Variants in WSB2 observed in about 807,000 individuals in gnomAD.
WSB2 encodes the protein WD repeat and SOCS box containing 2.
Under a neutral mutation model 48.8 loss-of-function variants are expected in WSB2, and 12 were observed. The observed-to-expected ratio is 0.25, with a 90% CI of 0.16 to 0.40. The LOEUF (loss-of-function observed/expected upper bound fraction) is 0.40, where lower values mean the gene tolerates loss of function less well. Among genes scored for constraint, WSB2 ranks in the 10% least tolerant of loss-of-function variants. WSB2 has a pLI of 1.00. For synonymous variants in WSB2, 191 were observed against 203.1 expected (o/e 0.94, Z 0.51); for missense variants, 317 against 506.2 (o/e 0.63, Z 3.59).
chr12:118,060,904 G>A lies in WSB2; in HGVS notation c.13+132C>T, dbSNP rs1216632280. ...CCGCCGGCCCCGCGCGGACCTCCCAGGCCGGACGCCCCCGCCGCGTCCAGC... is the reference window on the plus strand; with the variant it reads ...CCGCCGGCCCCGCGCGGACCTCCCAAGCCGGACGCCCCCGCCGCGTCCAGC... On this transcript the variant is annotated intron_variant, in intron 1 of 8. Transcript: ENST00000315436. This position sits in a 1 kb window ranked among gnomAD's most constrained non-coding sequence, Gnocchi z 4.1. 9 of 339,874 alleles carry A rather than the reference G, an allele frequency of 2.6e-5. No individual in the cohort carries two copies. The highest frequency in any genetic ancestry group is 3.7e-5 in the Non-Finnish European group (9 of 240,074). The allele number at this position is 339,874 out of a possible 1,614,324, so 21.1% of individuals were successfully genotyped here.
At position 118,038,375 on chromosome 12, in the gene WSB2, T is replaced by C; in HGVS notation, c.573A>G (p.Gln191=). 1 of 1,614,064 alleles carries C rather than the reference T, an allele frequency of 6.2e-7. No homozygotes were observed. The highest frequency in any genetic ancestry group is 8.5e-7 in the Non-Finnish European group (1 of 1,179,990). Residue 191 remains glutamine (Q), a synonymous_variant, in exon 5 of 9, where the codon CAA becomes CAG. Coordinates refer to ENST00000315436, the MANE Select transcript of WSB2 (RefSeq NM_018639.5). The stretch of plus-strand genomic sequence containing the variant: ...CCCACTGCAGGTGGCCCGATAACAC[T>C]TGAATCTGTTTACCTGGCAGGAAAA... ...WDLNKHGKQI[Q]VLSGHLQWVY...
intron 5 of WSB2, chr12:118,038,033 G>C (rs2031551932): frequency 5.6e-6 from 2 of 357,170 alleles, no homozygotes. Flanking sequence ...AATTTAAAAA[G>C]CAATTGTTTT....
chr12:118,049,406 ATT>A (rs999482589), intron 2 of WSB2, among the ~76,000 whole-genome samples: 2 of 146,460 alleles, frequency 1.4e-5, no homozygotes, highest in Non-Finnish European at 3.0e-5. Context: ...CATTTCTGAG[ATT>A]TTTTTTTTTT....
intron 4 of WSB2, among the ~76,000 whole-genome samples, chr12:118,041,165 G>A (rs978594893): frequency 6.6e-6 from 1 of 152,208 alleles, no homozygotes; most frequent in Non-Finnish European, 1.5e-5. Flanking sequence ...TGGACTAAAT[G>A]TGCCCCCCAC....
At chr12:118,050,311 G>C (rs940754434) in intron 2 of WSB2, among the ~76,000 whole-genome samples, 9 of 152,180 alleles carry the variant, frequency 5.9e-5, no homozygotes, top group African/African-American at 1.9e-4. Context: ...ACGGCATTCT[G>C]ACACTGGGGC....
At chr12:118,054,683 AT>A (rs1328782473) in intron 1 of WSB2, among the ~76,000 whole-genome samples, 13,657 of 96,198 alleles carry the variant, frequency 0.14, 1,113 homozygotes, top group East Asian at 0.48. Flanking sequence ...GTCTCAAAAA[AT>A]AATAATAATA....
chr12:118,050,633 T>C (rs2137789843), intron 2 of WSB2, among the ~76,000 whole-genome samples: 1 of 151,276 alleles, frequency 6.6e-6, no homozygotes. Flanking sequence ...AGCAAGACCC[T>C]CTCTCTCTCT....
At position 118,033,282 on chromosome 12, in the gene WSB2, A is replaced by C. The variant is rs1157137556; in HGVS notation, c.*914T>G. The stretch of plus-strand genomic sequence containing the variant: ...AGCAGAGACAGATCTCGTACATAAG[A>C]GTATCAGCTAAAGTCATGACTACAC... On this transcript the variant is annotated 3_prime_UTR_variant, in exon 9 of 9. Transcript: ENST00000315436. 1 of 152,570 alleles carries C rather than the reference A, an allele frequency of 6.6e-6. No homozygotes were observed. The highest frequency in any genetic ancestry group is 1.5e-5 in the Non-Finnish European group (1 of 68,040). The allele number at this position is 152,570 out of a possible 1,614,324, so 9.5% of individuals were successfully genotyped here.
In WSB2 at chr12:118,043,344, A is replaced by C. The variant is rs1566138655; in HGVS notation, c.216T>G (p.Ser72Arg). 3 of 1,586,046 alleles carry C rather than the reference A, an allele frequency of 1.9e-6. No homozygotes were observed. The highest frequency in any genetic ancestry group is 2.6e-6 in the Non-Finnish European group (3 of 1,166,924). The part of the protein sequence containing the change: ...IPKGFEAKSR[S>R]SKNETKGRGS... ...CCCGCCCTTTCGTCTCATTTTTGCT[A>C]CTTCGGCTTTTGGCTTCAAACCCTT... Residue 72 changes from serine (S) to arginine (R), a missense_variant, in exon 3 of 9, where the codon AGT (serine) becomes AGG (arginine). By Grantham distance (110) the Ser-to-Arg change is moderately radical. Coordinates refer to ENST00000315436, the MANE Select transcript of WSB2 (RefSeq NM_018639.5).
At chr12:118,055,988 T>C (rs1215440966) in intron 1 of WSB2, among the ~76,000 whole-genome samples, 1 of 151,518 alleles carries the variant, frequency 6.6e-6, no homozygotes, top group Non-Finnish European at 1.5e-5. Flanking sequence ...ACTTGCCAAA[T>C]CTAACCCCTC....
Position 118,060,743 on chromosome 12 carries a change from C to T in WSB2, c.13+293G>A, listed in dbSNP as rs2032045659. Among the ~76,000 whole-genome samples the T allele has an allele frequency of 6.6e-6, 1 of 151,998 alleles. No individual in the cohort carries two copies. The highest frequency in any genetic ancestry group is 1.5e-5 in the Non-Finnish European group (1 of 67,946). On this transcript the variant is annotated intron_variant, in intron 1 of 8. Coordinates refer to ENST00000315436, the MANE Select transcript of WSB2 (RefSeq NM_018639.5). This position sits in a 1 kb window ranked among gnomAD's most constrained non-coding sequence, Gnocchi z 4.1. The stretch of plus-strand genomic sequence containing the variant: ...GGTGCCCCCCGCCCCGAGTCCCACC[C>T]GGGAGCCCCCTCTGTCCCGGTCGGG...
rs2032046822 is a variant in WSB2 at position 118,060,781 on chromosome 12, G to A, written c.13+255C>T. Among the ~76,000 whole-genome samples, 1 of 151,942 alleles carries A rather than the reference G, an allele frequency of 6.6e-6. No individual in the cohort carries two copies. The highest frequency in any genetic ancestry group is 1.5e-5 in the Non-Finnish European group (1 of 67,948). On this transcript the variant is annotated intron_variant, in intron 1 of 8. Coordinates refer to ENST00000315436, the MANE Select transcript of WSB2 (RefSeq NM_018639.5). The surrounding 1 kb of genome is among the most constrained non-coding windows in gnomAD (Gnocchi z 4.1). Reference sequence around the variant, plus strand: ...TGTCCCGGTCGGGGGATCTCCTCCCGCAGAAGCCCGATCTTCCCGATCCTG... The same window carrying A: ...TGTCCCGGTCGGGGGATCTCCTCCCACAGAAGCCCGATCTTCCCGATCCTG...
chr12:118,062,141 T>C (rs1435262252), upstream of WSB2: 1 of 1,535,418 alleles, frequency 6.5e-7, no homozygotes, highest in Non-Finnish European at 8.7e-7. Context: ...CTGAGAAACC[T>C]GCTCTCCCTG....
intron 4 of WSB2, among the ~76,000 whole-genome samples, chr12:118,038,747 C>T (rs960224984): frequency 2.0e-5 from 3 of 152,154 alleles, no homozygotes; most frequent in African/African-American, 4.8e-5. Context: ...GTGGCGCGAT[C>T]TCAGCTCACT....
chr12:118,042,222 C>T (rs971934917), intron 4 of WSB2, among the ~76,000 whole-genome samples: 1 of 152,198 alleles, frequency 6.6e-6, no homozygotes, highest in Non-Finnish European at 1.5e-5. Flanking sequence ...GAAAGTCTTT[C>T]TTTCTAACAG....
chr12:118,039,090 CTG>C lies in WSB2; in HGVS notation c.560-704_560-703del, dbSNP rs1427733075. Among the ~76,000 whole-genome samples the C allele has an allele frequency of 1.4e-4, 21 of 152,238 alleles. No individual in the cohort carries two copies. In the East Asian group the frequency reaches 3.9e-3, roughly 28 times the overall value. On this transcript the variant is annotated intron_variant, in intron 4 of 8. Transcript: ENST00000315436. ...GAGAGTGTTTATCTTCATTTAAACT[CTG>C]TAATGGTTTCTCTGTAATCACAAGG...
intron 2 of WSB2, among the ~76,000 whole-genome samples, chr12:118,051,758 G>C (rs953741641): frequency 8.5e-5 from 13 of 152,246 alleles, no homozygotes; most frequent in African/African-American, 3.1e-4. Flanking sequence ...TGAATCACTT[G>C]AGGTCAGGAG....
In WSB2 at chr12:118,042,194, T is replaced by TA. The variant is rs540110826; in HGVS notation, c.559+646dup. The stretch of plus-strand genomic sequence containing the variant: ...TAGCCTGAGAGAATTATTCTAGGCT[T>TA]AGAGTCTGCTTCAAAAAGAAAGTCT... On this transcript the variant is annotated intron_variant, in intron 4 of 8. Transcript: ENST00000315436. 1.8e-4 allele frequency among the ~76,000 whole-genome samples: 28 copies of TA among 152,292 alleles called. No homozygotes were observed. The South Asian group carries it at 5.6e-3, about 30-fold the overall frequency.
intron 4 of WSB2, among the ~76,000 whole-genome samples, chr12:118,039,537 G>T (rs1228516090): frequency 1.3e-5 from 2 of 152,072 alleles, no homozygotes; most frequent in Non-Finnish European, 2.9e-5. Context: ...ATATGGAAGG[G>T]TATATACTCC....
Sources: allele counts gnomAD v4.1 joint callset (sites outside exome capture counted in the v4.1 genomes callset), GRCh38; gene constraint gnomAD v4.1.1; non-coding constraint Gnocchi (gnomAD v3.1); transcripts MANE v1.5; gene names NCBI Gene and HGNC (gene_info 2026-07-23, HGNC 2026-07-21).